Variants in ZPBP observed in about 807,000 individuals in gnomAD.
ZPBP encodes the protein zona pellucida binding protein, also known as zona pellucida-binding protein 1.
In ZPBP, 26 loss-of-function variants were observed where a neutral mutation model predicts 44.8. That is an observed-to-expected ratio of 0.58 (90% CI 0.43 to 0.81). The LOEUF (loss-of-function observed/expected upper bound fraction) is 0.81. ZPBP is among the 30% of genes least tolerant of loss of function. The pLI is 0.00. For missense variants in ZPBP, 409 were observed against 434.0 expected, an observed-to-expected ratio of 0.94 and a Z score of 0.51; for synonymous variants, 174 against 153.2, an observed-to-expected ratio of 1.14 and a Z score of -1.00.
chr7:49,967,509 T>C (rs186989407), intron 7 of ZPBP, among the ~76,000 whole-genome samples: 1 of 152,256 alleles, frequency 6.6e-6, no homozygotes, highest in Admixed American at 6.5e-5. Flanking sequence ...TTAGAGTTAA[T>C]GCTGCAATGG....
chr7:49,940,728 T>A (rs1794840951), intron 7 of ZPBP: 8 of 983,142 alleles, frequency 8.1e-6, no homozygotes, highest in Non-Finnish European at 8.4e-6. Flanking sequence ...CTGTCCCACC[T>A]CCTTCCCCAT....
intron 6 of ZPBP, among the ~76,000 whole-genome samples, chr7:50,000,190 A>G (rs530509290): frequency 6.6e-6 from 1 of 152,306 alleles, no homozygotes; most frequent in African/African-American, 2.4e-5. Context: ...ACATATTTGA[A>G]TTTTAATATT....
chr7:50,090,567 ATG>A (rs1802921586), intron 1 of ZPBP, among the ~76,000 whole-genome samples: 1 of 151,764 alleles, frequency 6.6e-6, no homozygotes, highest in Non-Finnish European at 1.5e-5. Flanking sequence ...ATGCATATAT[ATG>A]TGTATATATT....
intron 2 of ZPBP, among the ~76,000 whole-genome samples, chr7:49,852,158 C>T (rs959957571): frequency 2.0e-5 from 3 of 152,236 alleles, no homozygotes; most frequent in Admixed American, 6.5e-5. Flanking sequence ...GAGCTGGTCT[C>T]TCTGCCCTGT....
At chr7:49,885,587 G>A (rs1006273462) in intron 2 of ZPBP, among the ~76,000 whole-genome samples, 15 of 152,244 alleles carry the variant, frequency 9.9e-5, no homozygotes, top group Middle Eastern at 3.4e-3. Context: ...CCTAAACAGG[G>A]ACAAAAGAGT....
At chr7:50,014,266 A>C (rs545834811) in intron 6 of ZPBP, among the ~76,000 whole-genome samples, 101 of 152,090 alleles carry the variant, frequency 6.6e-4, no homozygotes, top group African/African-American at 2.3e-3. Flanking sequence ...GCTGATTCTA[A>C]ATTTTCTTGG....
rs756083328 is a variant in ZPBP, at chr7:50,089,637, C to T, written c.200G>A (p.Ser67Asn). ...KDSVKIVGST[S>N]FPVKAYVMLH... is the part of the protein sequence containing the mutation. ...AATATATTTATGAATACCTGGAAAA[C>T]TTGTTGATCCCACTATTTTCACTGA... is the stretch of plus-strand genomic sequence containing the variant. The change falls in exon 2 of 8, where the codon AGT becomes AAT. Residue 67 changes from serine (S) to asparagine (N), a missense_variant. Coordinates refer to ENST00000046087, the MANE Select transcript of ZPBP (RefSeq NM_007009.3). 1.5e-5 allele frequency: 24 copies of T among 1,607,888 alleles called. No individual in the cohort carries two copies. The South Asian group carries it at 2.4e-4, about 16-fold the overall frequency.
chr7:49,958,181 C>T (rs1275622105), intron 7 of ZPBP, among the ~76,000 whole-genome samples: 1 of 152,036 alleles, frequency 6.6e-6, no homozygotes, highest in Non-Finnish European at 1.5e-5. Flanking sequence ...GGGAAATTTG[C>T]CTCAGGATGT....
intron 2 of ZPBP, among the ~76,000 whole-genome samples, chr7:49,877,484 ATATATATAT>A (rs1562747798): frequency 0.021 from 558 of 26,570 alleles, 138 homozygotes; most frequent in African/African-American, 0.064. Context: ...AAAAAAAAAT[ATATATATAT>A]ATATATATAT....
intron 7 of ZPBP, among the ~76,000 whole-genome samples, chr7:49,960,282 G>T (rs73349149): frequency 0.027 from 4,134 of 152,048 alleles, 205 homozygotes; most frequent in African/African-American, 0.094. Context: ...ATAGCTGGGC[G>T]TGGTTGTGCA....
chr7:49,859,663 G>A (rs568077712), intron 2 of ZPBP, among the ~76,000 whole-genome samples: 2 of 152,346 alleles, frequency 1.3e-5, no homozygotes, highest in South Asian at 2.1e-4. Flanking sequence ...TCTCTAAAGT[G>A]CTATAGATTT....
intron 3 of ZPBP, among the ~76,000 whole-genome samples, chr7:50,076,098 A>G (rs1436720133): frequency 6.6e-6 from 1 of 151,844 alleles, no homozygotes; most frequent in African/African-American, 2.4e-5. Context: ...GATGGTTCCA[A>G]TATACCAAAT....
At chr7:49,843,346 A>G in the ZPBP span, among the ~76,000 whole-genome samples, 1 of 152,208 alleles carries the variant, frequency 6.6e-6, no homozygotes, top group Non-Finnish European at 1.5e-5. Flanking sequence ...TCAGATGTGA[A>G]AAATCTCCCA....
intron 1 of ZPBP, chr7:49,916,608 G>C (rs1793740156): frequency 6.6e-6 from 1 of 152,124 alleles, no homozygotes; most frequent in South Asian, 2.1e-4. Flanking sequence ...TTTAGTTTGG[G>C]CTGTGAAATA....
chr7:49,887,689 G>A (rs1791960030), intron 2 of ZPBP, among the ~76,000 whole-genome samples: 1 of 148,470 alleles, frequency 6.7e-6, no homozygotes, highest in Admixed American at 6.6e-5. Context: ...TATCAGAGAG[G>A]TTCATCCCGG....
At chr7:50,042,732 C>T (rs1459694506) in intron 4 of ZPBP, among the ~76,000 whole-genome samples, 1 of 152,186 alleles carries the variant, frequency 6.6e-6, no homozygotes, top group Non-Finnish European at 1.5e-5. Context: ...TTGTAAAGAA[C>T]ATCAACACTA....
intron 2 of ZPBP, among the ~76,000 whole-genome samples, chr7:49,896,575 A>C (rs1254978139): frequency 6.6e-6 from 1 of 152,210 alleles, no homozygotes; most frequent in African/African-American, 2.4e-5. Context: ...ACAAAAAATC[A>C]TGTAAGAAAA....
At chr7:50,083,389 A>T (rs1802468478) in intron 2 of ZPBP, among the ~76,000 whole-genome samples, 1 of 151,984 alleles carries the variant, frequency 6.6e-6, no homozygotes, top group Non-Finnish European at 1.5e-5. Flanking sequence ...CCAAAATGCC[A>T]TAATCATGAC....
chr7:49,982,147 T>TATATA (rs1326668830), intron 7 of ZPBP, among the ~76,000 whole-genome samples: 3 of 89,826 alleles, frequency 3.3e-5, no homozygotes, highest in African/African-American at 4.6e-5. Context: ...TTATATAAAA[T>TATATA]ATATAATATA....
Sources: gnomAD v4.1 joint callset for allele counts (sites outside exome capture counted in the v4.1 genomes callset) on GRCh38, gnomAD v4.1.1 for gene constraint, MANE v1.5 for transcripts, NCBI Gene and HGNC (gene_info 2026-07-23, HGNC 2026-07-21) for gene names.